Variants in YIF1A observed in about 807,000 individuals in gnomAD.
YIF1A encodes protein YIF1A.
In YIF1A, 28 loss-of-function variants were observed where a neutral mutation model predicts 32.6. The ratio of observed to expected loss-of-function variants is 0.86; its 90% CI spans 0.64 to 1.18. The LOEUF is 1.18. Ranked by LOEUF, YIF1A falls within the 50% of genes most tolerant of loss-of-function variation. YIF1A has a pLI of 0.00. For synonymous variants in YIF1A, 175 were observed against 162.2 expected (o/e 1.08, Z -0.60); for missense variants, 373 against 390.8 (o/e 0.95, Z 0.38).
rs747041700 is a variant in YIF1A at position 66,287,665 on chromosome 11, C to A, written c.360G>T (p.Val120=). The A allele has an allele frequency of 6.2e-7, 1 of 1,613,462 alleles. No homozygotes were observed. The highest frequency in any genetic ancestry group is 2.2e-5 in the East Asian group (1 of 44,870). Residue 120 remains valine, a synonymous_variant, in exon 4 of 8, where the codon GTG becomes GTT. Coordinates refer to ENST00000376901, the MANE Select transcript of YIF1A (RefSeq NM_020470.3). The stretch of plus-strand genomic sequence containing the variant: ...GCAGAGGAGCATCACGACTGTACTG[C>A]ACTTCCCAGTTCTGGCAGTGGCAGT... ...VFPYTHQNWE[V]QYSRDAPLPP... is the part of the protein sequence containing the mutation.
Position 66,287,606 on chromosome 11 carries a change from T to C in YIF1A, c.419A>G (p.Tyr140Cys), listed in dbSNP as rs142277735. The change falls in exon 4 of 8, where the codon TAT becomes TGT. Residue 140 changes from tyrosine to cysteine, a missense_variant. Tyr to Cys is a radical substitution (Grantham distance 194). Transcript: ENST00000376901. Reference protein sequence around the residue: ...PRQDLNAPDLYIPTMAFITYV... With the variant: ...PRQDLNAPDLCIPTMAFITYV... ...CCAGGTTGGAGACTCACTGGGGATA[T>C]AGAGGTCAGGGGCGTTGAGGTCTTG... 679 of 1,612,440 alleles carry C rather than the reference T, an allele frequency of 4.2e-4. No homozygotes were observed. Among genetic ancestry groups the C allele is most frequent in the Non-Finnish European group, 4.7e-4 (556 of 1,179,462 alleles).
intron 1 of YIF1A, 133 bp from the exon 2 acceptor site, chr11:66,288,425 G>A (rs1020313798): frequency 1.0e-6 from 1 of 989,732 alleles, no homozygotes; most frequent in Non-Finnish European, 1.5e-6. Flanking sequence ...CAAGCTGGGT[G>A]AGGGGGAGCT....
At chr11:66,285,184 C>G in intron 6 of YIF1A, 197 bp downstream of exon 6, 2 of 956,566 alleles carry the variant, frequency 2.1e-6, no homozygotes, top group Non-Finnish European at 3.1e-6. Context: ...CCAAGACTCG[C>G]AGAGTGACTC....
chr11:66,287,744 T>C (rs929066374), intron 3 of YIF1A, 68 bp from the exon 4 acceptor site: 6 of 1,587,932 alleles, frequency 3.8e-6, no homozygotes, highest in African/African-American at 1.3e-5. Flanking sequence ...GAGAAGGGGG[T>C]TGAGGTCTGG....
rs898424845 is a variant in YIF1A at position 66,289,141 on chromosome 11, G to A, written c.-156C>T. ...CGGTCTCGGCCACCATGTCCGTGGC[G>A]TCATCCCCCGCGCCTGCCATTGGCT... On this transcript the variant is annotated 5_prime_UTR_variant, in exon 1 of 8. In the 5' UTR this introduces an upstream ATG that the reference lacks. Transcript: ENST00000376901. 53 of 1,163,230 alleles carry A rather than the reference G, an allele frequency of 4.6e-5. No homozygotes were observed. Among genetic ancestry groups the A allele is most frequent in the Non-Finnish European group, 5.7e-5 (50 of 882,362 alleles). 72.1% of individuals were successfully genotyped at this position (1,163,230 alleles called of 1,614,324 possible). A position where few individuals can be genotyped will look rare whatever the true frequency, so the allele number is the denominator to read the frequency against.
chr11:66,287,405 A>T, intron 4 of YIF1A, 193 bp downstream of exon 4: 1 of 637,454 alleles, frequency 1.6e-6, no homozygotes, highest in Non-Finnish European at 2.8e-6. Flanking sequence ...GGGACACTGA[A>T]GGCGCATTCA....
Position 66,288,285 on chromosome 11 carries a change from C to T in YIF1A, c.39G>A (p.Lys13=). The change falls in exon 2 of 8, where the codon AAG becomes AAA. Residue 13 remains lysine (K), a synonymous_variant. Transcript: ENST00000376901. ...GATCCGGGGCTGCCCGGGCCCTGTG[C>T]TTGGAGCCTGTGGGTTTGGAGGTAT... ...YHSGYGAHGS[K]HRARAAPDPP... 2.5e-6 allele frequency: 4 copies of T among 1,614,032 alleles called. No individual in the cohort carries two copies. The highest frequency in any genetic ancestry group is 3.4e-6 in the Non-Finnish European group (4 of 1,180,032).
rs903254098 is a variant in YIF1A, at chr11:66,289,101, C to T, written c.-116G>A. 5.1e-6 allele frequency: 7 copies of T among 1,370,850 alleles called. No individual in the cohort carries two copies. The highest frequency in any genetic ancestry group is 2.9e-5 in the East Asian group (1 of 34,242). The allele number at this position is 1,370,850 out of a possible 1,614,324, so 84.9% of individuals were successfully genotyped here. A position where few individuals can be genotyped will look rare whatever the true frequency, so the allele number is the denominator to read the frequency against. On this transcript the variant is annotated 5_prime_UTR_variant, in exon 1 of 8. In the 5' UTR this introduces an upstream ATG that the reference lacks. Transcript: ENST00000376901. Reference sequence around the variant, plus strand: ...ACCGAGGCCACCCGGCCGCGCGACACGTCCCCCACCCCGCCGGTCTCGGCC... The same window carrying T: ...ACCGAGGCCACCCGGCCGCGCGACATGTCCCCCACCCCGCCGGTCTCGGCC...
chr11:66,287,739 G>C, intron 3 of YIF1A, 63 bp from the exon 4 acceptor site: 2 of 1,609,326 alleles, frequency 1.2e-6, no homozygotes, highest in African/African-American at 1.3e-5. Context: ...GAGGAGAGAA[G>C]GGGGTTGAGG....
chr11:66,287,766 G>T, intron 3 of YIF1A, 46 bp downstream of exon 3: 2 of 1,610,158 alleles, frequency 1.2e-6, no homozygotes, highest in South Asian at 2.2e-5. Context: ...GGCCAGACTC[G>T]GGCAGAATGA....
At position 66,289,050 on chromosome 11, in the gene YIF1A, G is replaced by A. The variant is rs1857413317; in HGVS notation, c.-65C>T. 4 of 1,528,408 alleles carry A rather than the reference G, an allele frequency of 2.6e-6. No individual in the cohort carries two copies. Among genetic ancestry groups the A allele is most frequent in the Admixed American group, 4.2e-5 (2 of 47,984 alleles). 94.7% of individuals were successfully genotyped at this position (1,528,408 alleles called of 1,614,324 possible). ...CCTCGTGGGTACGAATACTAATGAGGCAGCTGCTCCGCGCCCAGGGTACCG... is the reference window on the plus strand; with the variant it reads ...CCTCGTGGGTACGAATACTAATGAGACAGCTGCTCCGCGCCCAGGGTACCG... On this transcript the variant is annotated 5_prime_UTR_variant, in exon 1 of 8. Transcript: ENST00000376901.
intron 4 of YIF1A, 71 bp from the exon 5 acceptor site, chr11:66,285,829 TCAC>T: frequency 2.0e-5 from 31 of 1,540,570 alleles, no homozygotes; most frequent in Non-Finnish European, 2.7e-5. Flanking sequence ...GCATTCGGGT[TCAC>T]CGACATGTCC....
Position 66,284,707 on chromosome 11 carries a change from T to C in YIF1A, c.812A>G (p.Tyr271Cys), listed in dbSNP as rs139493120. 6.8e-6 allele frequency: 11 copies of C among 1,612,560 alleles called. No homozygotes were observed. The highest frequency in any genetic ancestry group is 1.7e-4 in the Middle Eastern group (1 of 6,044). ...GPVPRQRLQL[Y>C]LTLGAAAFQP... ...GAAGGCTGCAGCTCCCAGAGTCAGG[T>C]AGAGCTGGAGACGCTGCCGGGGGAC... The change falls in exon 8 of 8, where the codon TAC (tyrosine) becomes TGC (cysteine). Residue 271 changes from tyrosine (Y) to cysteine (C), a missense_variant. By Grantham distance (194) the Tyr-to-Cys change is radical (BLOSUM62 -2). Coordinates refer to ENST00000376901, the MANE Select transcript of YIF1A (RefSeq NM_020470.3).
At position 66,287,904 on chromosome 11, in the gene YIF1A, CA is replaced by C; in HGVS notation, c.255del (p.Phe85LeufsTer4). ...KDMVHKELHR[F>X]VSVSKLKYFF... ...AAATACTTGAGTTTGCTCACAGACA[CA>C]AAACGGTGCAGCTGGGAGGGGAGAG... is the stretch of plus-strand genomic sequence containing the variant. On this transcript the variant is annotated frameshift_variant, in exon 3 of 8. Transcript: ENST00000376901. LOFTEE classifies it high-confidence loss of function. 1 of 1,613,350 alleles carries C rather than the reference CA, an allele frequency of 6.2e-7. No individual in the cohort carries two copies. Among genetic ancestry groups the C allele is most frequent in the East Asian group, 2.2e-5 (1 of 44,884 alleles).
chr11:66,284,697 CAG>C lies in YIF1A; in HGVS notation c.820_821del (p.Leu274GlyfsTer?). The C allele has an allele frequency of 6.2e-7, 1 of 1,612,748 alleles. No homozygotes were observed. Among genetic ancestry groups the C allele is most frequent in the Non-Finnish European group, 8.5e-7 (1 of 1,179,916 alleles). ...PRQRLQLYLTLGAAAFQPLII... is the reference protein window; with the variant it reads ...PRQRLQLYLTXGAAAFQPLII... Reference sequence around the variant, plus strand: ...TGAGGGGCTGGAAGGCTGCAGCTCCCAGAGTCAGGTAGAGCTGGAGACGCTGC... The same window carrying C: ...TGAGGGGCTGGAAGGCTGCAGCTCCCAGTCAGGTAGAGCTGGAGACGCTGC... On this transcript the variant is annotated frameshift_variant, in exon 8 of 8. Transcript: ENST00000376901. LOFTEE classifies it high-confidence loss of function.
intron 1 of YIF1A, 96 bp from the exon 2 acceptor site, chr11:66,288,388 T>A (rs1857397506): frequency 2.1e-6 from 3 of 1,460,450 alleles, no homozygotes; most frequent in Middle Eastern, 2.0e-4. Flanking sequence ...GCACGGGTCC[T>A]GGAGGCACCG....
chr11:66,288,881 C>T (rs1857408077), intron 1 of YIF1A, 74 bp downstream of exon 1: 10 of 1,421,420 alleles, frequency 7.0e-6, no homozygotes, highest in South Asian at 1.5e-5. Flanking sequence ...TCGCTATCTC[C>T]CTCGGGGTGA....
At chr11:66,285,195 T>A in intron 6 of YIF1A, 186 bp downstream of exon 6, 1 of 1,027,758 alleles carries the variant, frequency 9.7e-7, no homozygotes, top group Non-Finnish European at 1.4e-6. Context: ...AGAGTGACTC[T>A]CAACACCTCC....
chr11:66,285,296 G>A lies in YIF1A; in HGVS notation c.641+85C>T, dbSNP rs1353518448. The A allele has an allele frequency of 1.4e-5, 22 of 1,548,440 alleles. No individual in the cohort carries two copies. The East Asian group carries it at 1.6e-4, about 11-fold the overall frequency. On this transcript the variant is annotated intron_variant, in intron 6 of 7. Coordinates refer to ENST00000376901, the MANE Select transcript of YIF1A (RefSeq NM_020470.3). ...GCAGTGCTAGAGGTCACTAGGGGCC[G>A]AGACATGTCCAGGGTCACAGTTCGA...
Sources: gnomAD v4.1 joint callset for allele counts on GRCh38, gnomAD v4.1.1 for gene constraint, MANE v1.5 for transcripts, NCBI Gene and HGNC (gene_info 2026-07-23, HGNC 2026-07-21) for gene names.